The following RARS2 variants were observed in gnomAD, a reference collection of about 807,000 sequenced individuals.
RARS2 encodes the protein probable arginine--tRNA ligase, mitochondrial.
In RARS2, 67 loss-of-function variants were observed where a neutral mutation model predicts 88.5. The ratio of observed to expected loss-of-function variants is 0.76; its 90% confidence interval spans 0.62 to 0.93. The LOEUF is 0.93. RARS2 is among the 40% of genes least tolerant of loss of function. The pLI is 0.00. For missense variants in RARS2, 664 were observed against 684.2 expected (o/e 0.97, Z 0.33); for synonymous variants, 239 against 230.3 (o/e 1.04, Z -0.34).
chr6:87,586,787 A>G (rs1047331228), intron 1 of RARS2, among the ~76,000 whole-genome samples: 4 of 152,220 alleles, frequency 2.6e-5, no homozygotes, highest in Non-Finnish European at 5.9e-5. Flanking sequence ...CCTTGGGACC[A>G]CAAGTGTTTC....
At chr6:87,525,022 T>C (rs984326034) in intron 10 of RARS2, among the ~76,000 whole-genome samples, 1 of 152,216 alleles carries the variant, frequency 6.6e-6, no homozygotes, top group African/African-American at 2.4e-5. Context: ...GGATAATTTT[T>C]AACATGCCAC....
intron 4 of RARS2, among the ~76,000 whole-genome samples, chr6:87,560,546 T>G (rs531635475): frequency 6.6e-6 from 1 of 152,260 alleles, no homozygotes; most frequent in African/African-American, 2.4e-5. Flanking sequence ...ATTAATTCTT[T>G]GTTGGTCCTA....
intron 3 of RARS2, among the ~76,000 whole-genome samples, chr6:87,563,256 G>A (rs193201803): frequency 2.5e-4 from 38 of 152,212 alleles, no homozygotes; most frequent in East Asian, 1.7e-3. Context: ...TTAGATGTTC[G>A]AAGCCATCTC....
intron 7 of RARS2, among the ~76,000 whole-genome samples, chr6:87,542,670 A>AAAAC (rs1455649959): frequency 6.6e-6 from 1 of 151,932 alleles, no homozygotes; most frequent in African/African-American, 2.4e-5. Context: ...AGAAAAAAAA[A>AAAAC]AACCCAAACA....
chr6:87,548,995 C>T (rs1783497447), intron 5 of RARS2, among the ~76,000 whole-genome samples: 1 of 152,108 alleles, frequency 6.6e-6, no homozygotes, highest in African/African-American at 2.4e-5. Context: ...GGGAAGACTG[C>T]TTGAGGCCAG....
chr6:87,571,226 T>G (rs1769601678), intron 1 of RARS2, among the ~76,000 whole-genome samples: 1 of 152,146 alleles, frequency 6.6e-6, no homozygotes, highest in South Asian at 2.1e-4. Context: ...TCTGATGGTT[T>G]TAAAAGAGGC....
chr6:87,546,910 T>A (rs1782775489), intron 6 of RARS2, among the ~76,000 whole-genome samples: 1 of 152,186 alleles, frequency 6.6e-6, no homozygotes, highest in Non-Finnish European at 1.5e-5. Context: ...GATGGCATAT[T>A]CCTATTTTTT....
chr6:87,545,695 A>G lies in RARS2; in HGVS notation c.456T>C (p.Asn152=), dbSNP rs141374913. ...VGHLRSTIIG[N]FIANLKEALG... The stretch of plus-strand genomic sequence containing the variant: ...AAGCTTCTTTGAGATTTGCTATAAA[A>G]TTTCCTAGTAATCAATAAAGTATAT... Residue 152 remains asparagine (N), a synonymous_variant, in exon 7 of 20, where the codon AAT becomes AAC. Transcript: ENST00000369536. 1,871 of 1,612,880 alleles carry G rather than the reference A, an allele frequency of 1.2e-3. No individual in the cohort carries two copies. The highest frequency in any genetic ancestry group is 1.4e-3 in the Non-Finnish European group (1,687 of 1,179,508).
intron 18 of RARS2, among the ~76,000 whole-genome samples, chr6:87,516,335 C>T (rs920040845): frequency 1.3e-5 from 2 of 152,234 alleles, no homozygotes; most frequent in Non-Finnish European, 2.9e-5. Flanking sequence ...TTAAATGCCT[C>T]AGTACATGGC....
chr6:87,555,328 A>G (rs993319080), intron 5 of RARS2, 80 bp downstream of exon 5: 1 of 1,059,950 alleles, frequency 9.4e-7, no homozygotes. Flanking sequence ...ATTTATTAAG[A>G]CCCCCAAATA....
intron 14 of RARS2, 133 bp downstream of exon 14, chr6:87,519,450 T>A (rs1262124492): frequency 1.0e-6 from 1 of 977,498 alleles, no homozygotes; most frequent in East Asian, 2.6e-5. Flanking sequence ...CTCTAATTAG[T>A]GAAAGGTATT....
intron 8 of RARS2, among the ~76,000 whole-genome samples, chr6:87,536,820 C>T (rs1331513321): frequency 1.3e-5 from 2 of 151,992 alleles, no homozygotes; most frequent in Non-Finnish European, 2.9e-5. Context: ...TATAACAAAA[C>T]TACTTCCCTG....
At chr6:87,530,582 T>A (rs1417995121) in intron 9 of RARS2, among the ~76,000 whole-genome samples, 1 of 152,032 alleles carries the variant, frequency 6.6e-6, no homozygotes, top group African/African-American at 2.4e-5. Flanking sequence ...CAGATAAAAA[T>A]GAAGTATGAG....
At position 87,514,436 on chromosome 6, in the gene RARS2, T is replaced by C; in HGVS notation, c.1714A>G (p.Ile572Val). The C allele has an allele frequency of 6.2e-7, 1 of 1,610,942 alleles. No individual in the cohort carries two copies. Among genetic ancestry groups the C allele is most frequent in the Non-Finnish European group, 8.5e-7 (1 of 1,177,164 alleles). Residue 572 changes from isoleucine to valine, a missense_variant, in exon 20 of 20, where the codon ATA (isoleucine) becomes GTA (valine). Coordinates refer to ENST00000369536, the MANE Select transcript of RARS2 (RefSeq NM_020320.5). ...VLANGMKLLGITPVCRM is the reference protein window; with the variant it reads ...VLANGMKLLGVTPVCRM ...AATTACATCCTACATACAGGTGTTA[T>C]TCCAAGAAGTTTCATTCCATTGGCT...
chr6:87,580,855 C>G (rs1255316794), intron 1 of RARS2, among the ~76,000 whole-genome samples: 1 of 151,922 alleles, frequency 6.6e-6, no homozygotes, highest in Non-Finnish European at 1.5e-5. Context: ...GTTTGAGAAC[C>G]TAAGATCAGA....
At chr6:87,584,055 G>A (rs1287173488) in intron 1 of RARS2, among the ~76,000 whole-genome samples, 1 of 152,174 alleles carries the variant, frequency 6.6e-6, no homozygotes, top group Non-Finnish European at 1.5e-5. Flanking sequence ...TATCTTTCAA[G>A]GATACAGATT....
At chr6:87,587,454 A>C (rs928532399) in intron 1 of RARS2, among the ~76,000 whole-genome samples, 7 of 152,230 alleles carry the variant, frequency 4.6e-5, no homozygotes, top group African/African-American at 1.4e-4. Flanking sequence ...AGAAATACAT[A>C]TATATCTGCA....
At chr6:87,522,333 TAAAAAA>T (rs34710568) in intron 11 of RARS2, among the ~76,000 whole-genome samples, 1 of 88,724 alleles carries the variant, frequency 1.1e-5, no homozygotes, top group African/African-American at 4.4e-5. Context: ...CCGTCTCAAT[TAAAAAA>T]AAAAAAAAAA....
chr6:87,521,823 T>C (rs1167588982), intron 11 of RARS2, among the ~76,000 whole-genome samples: 1 of 152,196 alleles, frequency 6.6e-6, no homozygotes, highest in Admixed American at 6.5e-5. Context: ...AAAATAGCTC[T>C]GGGTGAAGTG....
Sources: allele counts gnomAD v4.1 joint callset (sites outside exome capture counted in the v4.1 genomes callset), GRCh38; gene constraint gnomAD v4.1.1; transcripts MANE v1.5; gene names NCBI Gene and HGNC (gene_info 2026-07-23, HGNC 2026-07-21).